HLF: variants seen among roughly 807,000 people sequenced by gnomAD.
HLF encodes hepatic leukemia factor.
In HLF, 3 loss-of-function variants were observed where a neutral mutation model predicts 22.6. The observed-to-expected ratio is 0.13, with a 90% CI of 0.06 to 0.34. The LOEUF is 0.34. Among genes scored for constraint, HLF ranks in the 10% least tolerant of loss-of-function variants. The pLI, the probability that HLF is intolerant of heterozygous loss-of-function variation, is 1.00. For missense variants in HLF, 299 were observed against 389.2 expected, an observed-to-expected ratio of 0.77 and a Z score of 1.95; for synonymous variants, 151 against 151.8, an observed-to-expected ratio of 0.99 and a Z score of 0.04.
At chr17:55,307,215 G>A (rs536688059) in intron 2 of HLF, among the ~76,000 whole-genome samples, 45 of 142,382 alleles carry the variant, frequency 3.2e-4, no homozygotes, top group African/African-American at 1.1e-3. Flanking sequence ...GTGCAGTGGC[G>A]CAATCTTGGC....
rs112183053 is a variant in HLF, at chr17:55,303,827, C to T, written c.452-11400C>T. On this transcript the variant is annotated intron_variant, in intron 2 of 3. Coordinates refer to ENST00000226067, the MANE Select transcript of HLF (RefSeq NM_002126.5). ...CGTGTGGCGGAAGTTCTGGCTGTGA[C>T]GTCAGTAAGCTCGTTCTGCACAGAC... 4.4e-3 allele frequency among the ~76,000 whole-genome samples: 670 copies of T among 152,246 alleles called. 6 individuals carry two copies. The highest frequency in any genetic ancestry group is 0.015 in the African/African-American group (626 of 41,536).
At chr17:55,272,624 GGA>G (rs2080868130) in intron 2 of HLF, 1 of 152,258 alleles carries the variant, frequency 6.6e-6, no homozygotes, top group African/African-American at 2.4e-5. Flanking sequence ...TTTGCAATAT[GGA>G]GTTTGTATTC....
intron 2 of HLF, among the ~76,000 whole-genome samples, chr17:55,282,745 C>A (rs369031205): frequency 6.6e-6 from 1 of 152,184 alleles, no homozygotes; most frequent in African/African-American, 2.4e-5. Context: ...TGCTGGAAGA[C>A]GACTAACATT....
In HLF at chr17:55,267,968, T is replaced by C. The variant is rs369992114; in HGVS notation, c.333T>C (p.Pro111=). ...AGCATGACCACAGCCCTCACCCTCC[T>C]GGGCTGCAGCCAGCTTCCTCGGCTG... ...PSQHDHSPHP[P]GLQPASSAAP... Residue 111 remains proline (P), a synonymous_variant, in exon 2 of 4, where the codon CCT becomes CCC. Coordinates refer to ENST00000226067, the MANE Select transcript of HLF (RefSeq NM_002126.5). 18 of 1,614,066 alleles carry C rather than the reference T, an allele frequency of 1.1e-5. No individual in the cohort carries two copies. In the African/African-American group the frequency reaches 2.0e-4, roughly 18 times the overall value.
In HLF at chr17:55,293,041, A is replaced by G. The variant is rs117546764; in HGVS notation, c.452-22186A>G. Reference sequence around the variant, plus strand: ...TTAGAGAGGTTAGTTAAGAGGTACAAAAACACAGACGAAATAAGTTCAAGT... The same window carrying G: ...TTAGAGAGGTTAGTTAAGAGGTACAGAAACACAGACGAAATAAGTTCAAGT... On this transcript the variant is annotated intron_variant, in intron 2 of 3. Coordinates refer to ENST00000226067, the MANE Select transcript of HLF (RefSeq NM_002126.5). Among the ~76,000 whole-genome samples, 373 of 152,314 alleles carry G rather than the reference A, an allele frequency of 2.4e-3. 5 individuals carry two copies. Among genetic ancestry groups the G allele is most frequent in the East Asian group, 8.9e-3 (46 of 5,188 alleles).
At chr17:55,265,669 G>T in intron 1 of HLF, 70 bp downstream of exon 1, 1 of 1,203,598 alleles carries the variant, frequency 8.3e-7, no homozygotes, top group South Asian at 1.4e-5. Flanking sequence ...GGCCGGGCAC[G>T]CCCGCTGGAG....
At chr17:55,294,515 C>T (rs983768719) in intron 2 of HLF, among the ~76,000 whole-genome samples, 2 of 152,166 alleles carry the variant, frequency 1.3e-5, no homozygotes, top group Non-Finnish European at 2.9e-5. Context: ...CAGCACAGGG[C>T]ATGTAGCTAG....
At chr17:55,319,749 C>G (rs1308090464) in intron 3 of HLF, among the ~76,000 whole-genome samples, 1 of 151,484 alleles carries the variant, frequency 6.6e-6, no homozygotes. Flanking sequence ...TTTTTAATTA[C>G]CAAAGTGTAT....
chr17:55,271,256 T>A (rs2080854523), intron 2 of HLF, among the ~76,000 whole-genome samples: 1 of 152,212 alleles, frequency 6.6e-6, no homozygotes, highest in Non-Finnish European at 1.5e-5. Context: ...AATAGAATAT[T>A]AATAAGAGCA....
chr17:55,310,758 A>G (rs368237174), intron 2 of HLF, among the ~76,000 whole-genome samples: 13 of 152,370 alleles, frequency 8.5e-5, no homozygotes, highest in East Asian at 5.8e-4. Context: ...TGTTAGAACT[A>G]TTAGAACTAA....
intron 2 of HLF, among the ~76,000 whole-genome samples, chr17:55,284,347 G>C (rs780229285): frequency 6.6e-6 from 1 of 152,200 alleles, no homozygotes; most frequent in Non-Finnish European, 1.5e-5. Context: ...TTAAACATTG[G>C]CTATAGGGAT....
Position 55,320,675 on chromosome 17 carries a change from C to T in HLF, c.684C>T (p.Tyr228=), listed in dbSNP as rs543073591. The part of the protein sequence containing the change: ...FIPDDLKDDK[Y]WARRRKNNMA... ...TAACTAATGAGCAGGATGACAAGTACTGGGCAAGGCGCAGAAAGAACAACA... is the reference window on the plus strand; with the variant it reads ...TAACTAATGAGCAGGATGACAAGTATTGGGCAAGGCGCAGAAAGAACAACA... The change falls in exon 4 of 4, where the codon TAC becomes TAT. Residue 228 remains tyrosine, a synonymous_variant. Coordinates refer to ENST00000226067, the MANE Select transcript of HLF (RefSeq NM_002126.5). This position sits in a 1 kb window ranked among gnomAD's most constrained non-coding sequence, Gnocchi z 4.2. 1.4e-5 allele frequency: 23 copies of T among 1,614,102 alleles called. No homozygotes were observed. The East Asian group carries it at 4.9e-4, about 34-fold the overall frequency.
chr17:55,300,241 C>T (rs2081145469), intron 2 of HLF, among the ~76,000 whole-genome samples: 1 of 152,178 alleles, frequency 6.6e-6, no homozygotes, highest in Non-Finnish European at 1.5e-5. Context: ...TTTGGTCAGT[C>T]CCGTTTCACT....
intron 2 of HLF, among the ~76,000 whole-genome samples, chr17:55,307,002 A>G (rs1904601419): frequency 6.6e-6 from 1 of 151,968 alleles, no homozygotes; most frequent in Non-Finnish European, 1.5e-5. Context: ...TTTATCAGCT[A>G]TAATGTATTC....
chr17:55,286,118 T>G (rs1598395275), intron 2 of HLF, among the ~76,000 whole-genome samples: 1 of 152,208 alleles, frequency 6.6e-6, no homozygotes, highest in East Asian at 1.9e-4. Context: ...AAAACAACTT[T>G]GTTGTCCAAA....
chr17:55,311,511 A>AAAAAAC (rs1379693409), intron 2 of HLF, among the ~76,000 whole-genome samples: 1 of 152,134 alleles, frequency 6.6e-6, no homozygotes, highest in African/African-American at 2.4e-5. Flanking sequence ...CTCAAAGAAA[A>AAAAAAC]AAAAACAAAA....
At chr17:55,283,609 G>T (rs1391771898) in intron 2 of HLF, 1 of 152,236 alleles carries the variant, frequency 6.6e-6, no homozygotes, top group African/African-American at 2.4e-5. Context: ...TAGCTTAACA[G>T]AGGGTATGGA....
At position 55,268,076 on chromosome 17, in the gene HLF, C is replaced by T; in HGVS notation, c.441C>T (p.Pro147=). The T allele has an allele frequency of 1.3e-6, 2 of 1,556,888 alleles. No individual in the cohort carries two copies. Among genetic ancestry groups the T allele is most frequent in the Admixed American group, 3.8e-5 (2 of 51,996 alleles). The part of the protein sequence containing the change: ...GIPSPNCMQS[P]IRPGQLLPAN... ...CATCTCCGAACTGTATGCAGAGCCCCATCAGACCAGGTAAGTGCCCTGAAG... is the reference window on the plus strand; with the variant it reads ...CATCTCCGAACTGTATGCAGAGCCCTATCAGACCAGGTAAGTGCCCTGAAG... The change falls in exon 2 of 4, where the codon CCC becomes CCT. Residue 147 remains proline, a synonymous_variant. Transcript: ENST00000226067.
intron 2 of HLF, among the ~76,000 whole-genome samples, chr17:55,298,635 T>C (rs1390549239): frequency 1.3e-5 from 2 of 152,210 alleles, no homozygotes; most frequent in Non-Finnish European, 2.9e-5. Context: ...ATGTTAGGGA[T>C]CTGTATGACT....
Sources: gnomAD v4.1 joint callset for allele counts (sites outside exome capture counted in the v4.1 genomes callset) on GRCh38, gnomAD v4.1.1 for gene constraint, Gnocchi (gnomAD v3.1) non-coding constraint, MANE v1.5 for transcripts, NCBI Gene and HGNC (gene_info 2026-07-23, HGNC 2026-07-21) for gene names.